GNAQ: variants seen among roughly 807,000 people sequenced by gnomAD.
The protein encoded by GNAQ is G protein subunit alpha q.
In GNAQ, 8 loss-of-function variants were observed where a neutral mutation model predicts 43.9. That is an observed-to-expected ratio of 0.18 (90% CI 0.11 to 0.33). The LOEUF is 0.33. GNAQ is among the 10% of genes least tolerant of loss of function. The probability of loss-of-function intolerance (pLI) is 1.00; values close to 1 mark genes in which losing one functional copy is unlikely to be tolerated. For missense variants in GNAQ, 158 were observed against 450.8 expected (o/e 0.35, Z 5.88); for synonymous variants, 155 against 170.7 (o/e 0.91, Z 0.71).
At chr9:77,942,128 A>G (rs919613813) in intron 1 of GNAQ, among the ~76,000 whole-genome samples, 4 of 152,012 alleles carry the variant, frequency 2.6e-5, no homozygotes, top group African/African-American at 4.8e-5. Flanking sequence ...AAACTGGGAG[A>G]AAAAAAAGGT....
chr9:77,825,869 G>A (rs1827186931), intron 2 of GNAQ, among the ~76,000 whole-genome samples: 1 of 152,156 alleles, frequency 6.6e-6, no homozygotes, highest in African/African-American at 2.4e-5. Context: ...ACCTATGCAT[G>A]GGGAAGACTT....
At chr9:77,928,621 T>C (rs1308883077) in intron 1 of GNAQ, among the ~76,000 whole-genome samples, 1 of 152,134 alleles carries the variant, frequency 6.6e-6, no homozygotes, top group Admixed American at 6.5e-5. Context: ...ACAAGAGCAT[T>C]TTCTTGGAGT....
At chr9:77,727,279 A>G (rs942990935) in intron 6 of GNAQ, among the ~76,000 whole-genome samples, 1 of 151,972 alleles carries the variant, frequency 6.6e-6, no homozygotes, top group Non-Finnish European at 1.5e-5. Flanking sequence ...CAGTCTCCCA[A>G]AGTGCTGGGA....
chr9:77,893,517 A>G (rs1828438214), intron 2 of GNAQ, among the ~76,000 whole-genome samples: 1 of 152,220 alleles, frequency 6.6e-6, no homozygotes, highest in Non-Finnish European at 1.5e-5. Context: ...AACTATAAGC[A>G]TACTCAGTTG....
At chr9:77,873,278 G>A (rs1040766700) in intron 2 of GNAQ, among the ~76,000 whole-genome samples, 43 of 152,130 alleles carry the variant, frequency 2.8e-4, no homozygotes, top group African/African-American at 9.4e-4. Flanking sequence ...GGCACAAAAA[G>A]GAAACGAACC....
intron 2 of GNAQ, among the ~76,000 whole-genome samples, chr9:77,865,498 A>G (rs1827933186): frequency 1.3e-5 from 2 of 152,210 alleles, no homozygotes; most frequent in Admixed American, 1.3e-4. Flanking sequence ...AACATTGTAA[A>G]TACCAAGGAG....
intron 2 of GNAQ, among the ~76,000 whole-genome samples, chr9:77,915,213 G>A (rs1195370479): frequency 6.6e-6 from 1 of 152,148 alleles, no homozygotes; most frequent in African/African-American, 2.4e-5. Context: ...AGCCAGATAA[G>A]GAGATTTCTG....
chr9:77,751,103 G>C (rs1480283668), intron 5 of GNAQ, among the ~76,000 whole-genome samples: 1 of 152,160 alleles, frequency 6.6e-6, no homozygotes, highest in Non-Finnish European at 1.5e-5. Flanking sequence ...TGTTAAGTCA[G>C]TGAATCCCAT....
At chr9:77,987,343 GA>G (rs149587396) in intron 1 of GNAQ, among the ~76,000 whole-genome samples, 3,979 of 148,594 alleles carry the variant, frequency 0.027, 153 homozygotes, top group African/African-American at 0.091. Context: ...CAGTTAGACC[GA>G]AAAAAAAAAT....
chr9:77,838,806 T>A (rs1478654562), intron 2 of GNAQ, among the ~76,000 whole-genome samples: 3 of 152,090 alleles, frequency 2.0e-5, no homozygotes, highest in Non-Finnish European at 4.4e-5. Context: ...TATATATATA[T>A]AAATGTATAC....
At chr9:77,896,417 A>C (rs1418711589) in intron 2 of GNAQ, among the ~76,000 whole-genome samples, 1 of 152,238 alleles carries the variant, frequency 6.6e-6, no homozygotes, top group African/African-American at 2.4e-5. Context: ...TCTACGTTTT[A>C]AAACTGTTTT....
At chr9:77,985,411 T>C (rs1011518780) in intron 1 of GNAQ, among the ~76,000 whole-genome samples, 6 of 152,146 alleles carry the variant, frequency 3.9e-5, no homozygotes, top group Non-Finnish European at 7.4e-5. Context: ...TGGAGGAGAC[T>C]GAAGACATTA....
chr9:77,804,214 C>T (rs1039409466), intron 3 of GNAQ, among the ~76,000 whole-genome samples: 1 of 152,120 alleles, frequency 6.6e-6, no homozygotes, highest in Non-Finnish European at 1.5e-5. Context: ...ACCCCTCCCC[C>T]CACCTATGAC....
rs1032957996 is a variant in GNAQ, at chr9:77,738,817, G to A, written c.736-10150C>T. Reference sequence around the variant, plus strand: ...TATATTAGTGCAGTTTTAAAGGACTGTGAACCCTAGATGTAAAATCTTATG... The same window carrying A: ...TATATTAGTGCAGTTTTAAAGGACTATGAACCCTAGATGTAAAATCTTATG... On this transcript the variant is annotated intron_variant, in intron 5 of 6. Coordinates refer to ENST00000286548, the MANE Select transcript of GNAQ (RefSeq NM_002072.5). Among the ~76,000 whole-genome samples the A allele has an allele frequency of 3.9e-5, 6 of 152,002 alleles. No individual in the cohort carries two copies. In the East Asian group the frequency reaches 9.6e-4, roughly 24 times the overall value.
chr9:77,920,785 A>G (rs1390710385), intron 2 of GNAQ, among the ~76,000 whole-genome samples: 1 of 152,242 alleles, frequency 6.6e-6, no homozygotes, highest in East Asian at 1.9e-4. Flanking sequence ...CCGGAAAACC[A>G]GGTATGAAAG....
chr9:77,772,898 C>T (rs1307965206), intron 5 of GNAQ, among the ~76,000 whole-genome samples: 1 of 152,164 alleles, frequency 6.6e-6, no homozygotes, highest in African/African-American at 2.4e-5. Flanking sequence ...CTAAAGATAG[C>T]TGATGAGCTA....
chr9:77,783,150 G>A (rs1564109361), intron 5 of GNAQ, among the ~76,000 whole-genome samples: 1 of 152,208 alleles, frequency 6.6e-6, no homozygotes, highest in East Asian at 1.9e-4. Flanking sequence ...TGATAATGAT[G>A]TATATATGTA....
Position 77,935,007 on chromosome 9 carries a change from C to A in GNAQ, c.137-12662G>T, listed in dbSNP as rs192890161. ...GGGTATGGTGGTGTGGGCCTGTAGT[C>A]CTAGCTACTCTGGAGGCTGAGGCAG... On this transcript the variant is annotated intron_variant, in intron 1 of 6. Transcript: ENST00000286548. Among the ~76,000 whole-genome samples, 221 of 152,208 alleles carry A rather than the reference C, an allele frequency of 1.5e-3. 2 individuals carry two copies. Among genetic ancestry groups the A allele is most frequent in the Non-Finnish European group, 8.5e-4 (58 of 68,012 alleles).
chr9:78,030,746 C>T, intron 1 of GNAQ: 2 of 372,484 alleles, frequency 5.4e-6, no homozygotes, highest in Non-Finnish European at 1.1e-5. Context: ...GCCCACCTTT[C>T]CACCCCCGCG....
Sources: allele counts gnomAD v4.1 joint callset (sites outside exome capture counted in the v4.1 genomes callset), GRCh38; gene constraint gnomAD v4.1.1; transcripts MANE v1.5; gene names NCBI Gene and HGNC (gene_info 2026-07-23, HGNC 2026-07-21).